Variants in MYO9A observed in about 807,000 individuals in gnomAD.
The protein encoded by MYO9A is unconventional myosin-IXa.
Under a neutral mutation model 293.3 loss-of-function variants are expected in MYO9A, and 103 were observed. The observed-to-expected ratio is 0.35, with a 90% CI of 0.30 to 0.41. The LOEUF is 0.41. MYO9A is among the 10% of genes least tolerant of loss of function. MYO9A has a pLI of 1.00. For synonymous variants in MYO9A, 1,001 were observed against 1,035.7 expected, an observed-to-expected ratio of 0.97 and a Z score of 0.64; for missense variants, 2,685 against 3,033.0, an observed-to-expected ratio of 0.89 and a Z score of 2.69.
intron 6 of MYO9A, among the ~76,000 whole-genome samples, chr15:72,011,324 A>G (rs966161040): frequency 6.6e-6 from 1 of 151,304 alleles, no homozygotes; most frequent in Non-Finnish European, 1.5e-5. Context: ...TTACATCTAC[A>G]TTAGATATAT....
At chr15:72,041,280 T>C in intron 2 of MYO9A, 3 of 962,174 alleles carry the variant, frequency 3.1e-6, no homozygotes, top group South Asian at 1.3e-5. Context: ...GTATTTTCCT[T>C]GTATTTATTT....
rs773185478 is a variant in MYO9A, at chr15:71,898,964, C to T, written c.3539G>A (p.Gly1180Glu). The T allele has an allele frequency of 1.2e-6, 2 of 1,613,748 alleles. No individual in the cohort carries two copies. Among genetic ancestry groups the T allele is most frequent in the Non-Finnish European group, 1.7e-6 (2 of 1,179,664 alleles). ...KPEVGLVNIK[G>E]YGSLEIQGSD... The stretch of plus-strand genomic sequence containing the variant: ...ACCCTGAATTTCCAGAGATCCATAT[C>T]CCTTAATATTCACCAATCCAACTTC... The change falls in exon 25 of 42, where the codon GGA (glycine) becomes GAA (glutamate). Residue 1180 changes from glycine (G) to glutamate (E), a missense_variant. Transcript: ENST00000356056.
At chr15:72,019,906 C>A (rs1396723169) in intron 5 of MYO9A, among the ~76,000 whole-genome samples, 1 of 152,106 alleles carries the variant, frequency 6.6e-6, no homozygotes, top group African/African-American at 2.4e-5. Context: ...TGCCTCACCA[C>A]ACCTAGCTAA....
intron 1 of MYO9A, among the ~76,000 whole-genome samples, chr15:72,074,978 T>C (rs866407682): frequency 8.3e-5 from 9 of 108,622 alleles, no homozygotes; most frequent in Non-Finnish European, 1.3e-4. Context: ...TTTTTTTTTT[T>C]CTTGAGACAG....
chr15:71,910,343 T>A (rs2057811461), intron 19 of MYO9A, among the ~76,000 whole-genome samples: 1 of 151,748 alleles, frequency 6.6e-6, no homozygotes, highest in African/African-American at 2.4e-5. Context: ...AAAGTTCATA[T>A]GAATGGAAAA....
chr15:71,939,000 A>T, intron 15 of MYO9A, 73 bp from the exon 16 acceptor site: 1 of 1,185,444 alleles, frequency 8.4e-7, no homozygotes, highest in Non-Finnish European at 1.2e-6. Flanking sequence ...GTTTTTCTAA[A>T]GACAAACGAA....
chr15:72,096,776 G>A (rs1468253637), intron 1 of MYO9A, among the ~76,000 whole-genome samples: 4 of 152,228 alleles, frequency 2.6e-5, no homozygotes, highest in East Asian at 3.8e-4. Flanking sequence ...TGACTCGTGG[G>A]AAGAGGTCAA....
intron 2 of MYO9A, among the ~76,000 whole-genome samples, chr15:72,044,669 G>T (rs1298637443): frequency 2.0e-5 from 3 of 152,098 alleles, no homozygotes; most frequent in African/African-American, 7.2e-5. Context: ...ACATTGGATG[G>T]TATTACTTGT....
intron 1 of MYO9A, among the ~76,000 whole-genome samples, chr15:72,089,310 A>G (rs1444998380): frequency 6.6e-6 from 1 of 152,014 alleles, no homozygotes. Flanking sequence ...CTATAGGCAC[A>G]CAGCACCACA....
intron 1 of MYO9A, among the ~76,000 whole-genome samples, chr15:72,097,761 T>C (rs1450303928): frequency 6.6e-6 from 1 of 151,936 alleles, no homozygotes; most frequent in East Asian, 1.9e-4. Flanking sequence ...AATACAAAAA[T>C]GAGCTGGGCA....
At position 71,898,732 on chromosome 15, in the gene MYO9A, T is replaced by C. The variant is rs2415128; in HGVS notation, c.3771A>G (p.Arg1257=). 1,154,521 of 1,613,802 alleles carry C rather than the reference T, an allele frequency of 0.72. 417,509 individuals are homozygous for C. Among genetic ancestry groups the C allele is most frequent in the Non-Finnish European group, 0.74 (871,452 of 1,179,932 alleles). The change falls in exon 25 of 42, where the codon AGA becomes AGG. Residue 1257 remains arginine, a synonymous_variant. Transcript: ENST00000356056. ...TTTTCTGATGGAGATCCTCCAAGGA[T>C]CTGGGTCTCTCTCTTACAAGCACAT... ...QEDVLVRERP[R]SLEDLHQKKV...
intron 8 of MYO9A, among the ~76,000 whole-genome samples, chr15:72,003,891 T>C (rs1437480441): frequency 6.6e-6 from 1 of 152,130 alleles, no homozygotes; most frequent in Non-Finnish European, 1.5e-5. Flanking sequence ...TCTCAAACCC[T>C]TGAGGAACAT....
At chr15:71,831,871 A>G (rs2054742379) in intron 39 of MYO9A, among the ~76,000 whole-genome samples, 1 of 152,226 alleles carries the variant, frequency 6.6e-6, no homozygotes, top group African/African-American at 2.4e-5. Context: ...TAAAATAACC[A>G]TGCTGAAGGA....
At chr15:72,074,149 G>GATA (rs931300255) in intron 1 of MYO9A, among the ~76,000 whole-genome samples, 1 of 151,908 alleles carries the variant, frequency 6.6e-6, no homozygotes, top group Non-Finnish European at 1.5e-5. Flanking sequence ...ATTAATGTGT[G>GATA]ATAATAATAA....
chr15:72,029,631 C>A (rs960140268), intron 3 of MYO9A, among the ~76,000 whole-genome samples: 4 of 152,160 alleles, frequency 2.6e-5, no homozygotes, highest in Non-Finnish European at 5.9e-5. Flanking sequence ...GGTGGACGGA[C>A]TACGATCAAG....
chr15:71,859,634 C>A, intron 34 of MYO9A, 101 bp downstream of exon 34: 1 of 880,636 alleles, frequency 1.1e-6, no homozygotes, highest in South Asian at 1.7e-5. Context: ...GTTTAAAAAC[C>A]ACTCATCTGT....
In MYO9A at chr15:71,988,409, T is replaced by G. The variant is rs139598755; in HGVS notation, c.1722+2694A>C. Among the ~76,000 whole-genome samples the G allele has an allele frequency of 2.0e-5, 3 of 152,334 alleles. No individual in the cohort carries two copies. In the East Asian group the frequency reaches 5.8e-4, roughly 29 times the overall value. Reference sequence around the variant, plus strand: ...AAACTAGAATAAAAACAGTACTGACTGATAAGTAACACTACATAACTCGTA... The same window carrying G: ...AAACTAGAATAAAAACAGTACTGACGGATAAGTAACACTACATAACTCGTA... On this transcript the variant is annotated intron_variant, in intron 11 of 41. Transcript: ENST00000356056.
At chr15:71,928,544 T>A (rs1189318463) in intron 18 of MYO9A, among the ~76,000 whole-genome samples, 1 of 152,140 alleles carries the variant, frequency 6.6e-6, no homozygotes, top group Non-Finnish European at 1.5e-5. Flanking sequence ...ATGGAGATTT[T>A]AACAATATTA....
chr15:71,928,838 C>G (rs2058397399), intron 18 of MYO9A, among the ~76,000 whole-genome samples: 1 of 149,930 alleles, frequency 6.7e-6, no homozygotes, highest in Admixed American at 6.7e-5. Context: ...GCAGGAAAAT[C>G]ATTTGAGGCT....
Sources: allele counts gnomAD v4.1 joint callset (sites outside exome capture counted in the v4.1 genomes callset), GRCh38; gene constraint gnomAD v4.1.1; transcripts MANE v1.5; gene names NCBI Gene and HGNC (gene_info 2026-07-23, HGNC 2026-07-21).